SND1: variants seen among roughly 807,000 people sequenced by gnomAD.
SND1 encodes the protein staphylococcal nuclease domain-containing protein 1.
Under a neutral mutation model 121.7 loss-of-function variants are expected in SND1, and 38 were observed. The observed-to-expected ratio is 0.31, with a 90% CI of 0.24 to 0.41. The LOEUF (loss-of-function observed/expected upper bound fraction) is 0.41, where lower values mean the gene tolerates loss of function less well. Among genes scored for constraint, SND1 ranks in the 10% least tolerant of loss-of-function variants. The probability of loss-of-function intolerance (pLI) is 1.00; values close to 1 mark genes in which losing one functional copy is unlikely to be tolerated. For synonymous variants in SND1, 401 were observed against 447.4 expected, an observed-to-expected ratio of 0.90 and a Z score of 1.31; for missense variants, 868 against 1,184.6, an observed-to-expected ratio of 0.73 and a Z score of 3.92.
At chr7:127,786,399 A>G (rs775314240) in intron 10 of SND1, among the ~76,000 whole-genome samples, 8 of 152,184 alleles carry the variant, frequency 5.3e-5, no homozygotes, top group Non-Finnish European at 1.0e-4. Context: ...CTCATTGGGA[A>G]CAATTTCTCT....
rs894061032 is a variant in SND1, at chr7:128,015,261, G to T, written c.1779+24205G>T. ...CAGGTCAACGTGGGGCTAAAATGAAGACCGCTCTTAGTTCATGTTCTGGCA... is the reference window on the plus strand; with the variant it reads ...CAGGTCAACGTGGGGCTAAAATGAATACCGCTCTTAGTTCATGTTCTGGCA... On this transcript the variant is annotated intron_variant, in intron 16 of 23. Coordinates refer to ENST00000354725, the MANE Select transcript of SND1 (RefSeq NM_014390.4). This position sits in a 1 kb window ranked among gnomAD's most constrained non-coding sequence, Gnocchi z 4.5. 2.0e-5 allele frequency among the ~76,000 whole-genome samples: 3 copies of T among 152,186 alleles called. No individual in the cohort carries two copies. In the East Asian group the frequency reaches 5.8e-4, roughly 29 times the overall value.
intron 10 of SND1, among the ~76,000 whole-genome samples, chr7:127,740,867 A>G (rs1043306311): frequency 1.3e-5 from 2 of 152,162 alleles, no homozygotes; most frequent in Non-Finnish European, 2.9e-5. Context: ...TCAAAACCAA[A>G]TCAAATCTTA....
At chr7:127,741,749 A>G (rs1316964750) in intron 10 of SND1, among the ~76,000 whole-genome samples, 1 of 152,122 alleles carries the variant, frequency 6.6e-6, no homozygotes, top group African/African-American at 2.4e-5. Flanking sequence ...AGATTCCTCT[A>G]TTTGAACTTT....
intron 13 of SND1, 114 bp downstream of exon 13, chr7:127,888,126 ATG>A: frequency 1.7e-6 from 1 of 603,362 alleles, no homozygotes; most frequent in Non-Finnish European, 2.9e-6. Context: ...CTGAGAAAGC[ATG>A]TATTATTATT....
At chr7:127,866,741 G>A (rs1799486194) in intron 12 of SND1, among the ~76,000 whole-genome samples, 1 of 152,036 alleles carries the variant, frequency 6.6e-6, no homozygotes, top group Admixed American at 6.6e-5. Flanking sequence ...TGTCCACCAA[G>A]CCCCCCTACT....
At chr7:127,796,255 A>G in intron 10 of SND1, among the ~76,000 whole-genome samples, 1 of 152,204 alleles carries the variant, frequency 6.6e-6, no homozygotes, top group Non-Finnish European at 1.5e-5. Context: ...TCATTCTATG[A>G]ATTTGCTAAC....
At chr7:127,802,876 T>C (rs1471818328) in intron 10 of SND1, among the ~76,000 whole-genome samples, 1 of 152,230 alleles carries the variant, frequency 6.6e-6, no homozygotes, top group African/African-American at 2.4e-5. Flanking sequence ...TGATTCCTCC[T>C]TTTCTTTCAT....
At chr7:127,703,125 A>G in intron 6 of SND1, 40 bp from the exon 7 acceptor site, 5 of 1,612,998 alleles carry the variant, frequency 3.1e-6, no homozygotes, top group Non-Finnish European at 3.4e-6. Flanking sequence ...TAGCACTCAC[A>G]TTTAGGCTGC....
rs557581628 is a variant in SND1, at chr7:127,891,491, A to G, written c.1454+3479A>G. On this transcript the variant is annotated intron_variant, in intron 13 of 23. Transcript: ENST00000354725. ...CGTTACAGCGTGTCAGAGCTCTTTC[A>G]CTGCTGCTTCTGCCCCTTATCTGGC... 8.6e-5 allele frequency among the ~76,000 whole-genome samples: 13 copies of G among 151,764 alleles called. No homozygotes were observed. The South Asian group carries it at 2.5e-3, about 29-fold the overall frequency.
intron 14 of SND1, among the ~76,000 whole-genome samples, chr7:127,914,407 T>C (rs1470085225): frequency 6.6e-6 from 1 of 152,194 alleles, no homozygotes. Context: ...AATTTCTCCC[T>C]TTTTATCCCC....
chr7:127,819,569 A>T (rs1474589070), intron 11 of SND1, among the ~76,000 whole-genome samples: 3 of 152,168 alleles, frequency 2.0e-5, no homozygotes, highest in African/African-American at 7.2e-5. Flanking sequence ...ACCTTGTAGG[A>T]TGGGCTGGAG....
Position 127,871,792 on chromosome 7 carries a change from T to G in SND1, c.1344-16110T>G, listed in dbSNP as rs80166527. On this transcript the variant is annotated intron_variant, in intron 12 of 23. Transcript: ENST00000354725. ...TATGGATAGAAGTGTGAATCTACAT[T>G]GAACATGCACTACGTGACTATTAAT... Among the ~76,000 whole-genome samples the G allele has an allele frequency of 1.3e-3, 195 of 152,292 alleles. 1 individual carries two copies. The East Asian group carries it at 0.036, about 28-fold the overall frequency.
chr7:127,954,214 C>T (rs1283749710), intron 15 of SND1, among the ~76,000 whole-genome samples: 1 of 152,142 alleles, frequency 6.6e-6, no homozygotes, highest in East Asian at 1.9e-4. Context: ...TCTGGAGACA[C>T]AGCAGGAAAC....
intron 15 of SND1, among the ~76,000 whole-genome samples, chr7:127,932,186 A>T (rs1039757080): frequency 2.0e-4 from 31 of 152,236 alleles, no homozygotes; most frequent in African/African-American, 7.5e-4. Context: ...CATTGAGAAC[A>T]TTTGTGATTC....
chr7:128,082,421 C>G (rs910995652), intron 18 of SND1, among the ~76,000 whole-genome samples: 1 of 152,226 alleles, frequency 6.6e-6, no homozygotes, highest in Non-Finnish European at 1.5e-5. Context: ...GCTCCAGCCC[C>G]GTCTCAGCCA....
chr7:127,902,791 A>G (rs1164560237), intron 13 of SND1, among the ~76,000 whole-genome samples: 1 of 151,984 alleles, frequency 6.6e-6, no homozygotes, highest in African/African-American at 2.4e-5. Context: ...ATCTTGGCTC[A>G]CTGCAACCTC....
chr7:127,824,319 G>A (rs1320022620), intron 11 of SND1, among the ~76,000 whole-genome samples: 1 of 152,174 alleles, frequency 6.6e-6, no homozygotes, highest in African/African-American at 2.4e-5. Context: ...TCAAGGAAAG[G>A]CAGTTGGTGC....
chr7:127,914,482 T>C (rs1237138493), intron 14 of SND1, among the ~76,000 whole-genome samples: 2 of 152,218 alleles, frequency 1.3e-5, no homozygotes, highest in Non-Finnish European at 2.9e-5. Context: ...TTTGTGCTTG[T>C]TGATAAATTG....
At chr7:127,976,417 T>A (rs765920975) in intron 15 of SND1, among the ~76,000 whole-genome samples, 6 of 152,214 alleles carry the variant, frequency 3.9e-5, no homozygotes, top group Non-Finnish European at 8.8e-5. Context: ...GGTACCTGAT[T>A]TTCTCCCTCA....
Sources: allele counts gnomAD v4.1 joint callset (sites outside exome capture counted in the v4.1 genomes callset), GRCh38; gene constraint gnomAD v4.1.1; non-coding constraint Gnocchi (gnomAD v3.1); transcripts MANE v1.5; gene names NCBI Gene and HGNC (gene_info 2026-07-23, HGNC 2026-07-21).